Variants in TDRD9 observed in about 807,000 individuals in gnomAD.
The protein encoded by TDRD9 is ATP-dependent RNA helicase TDRD9.
In TDRD9, 124 loss-of-function variants were observed where a neutral mutation model predicts 172.6. That is an observed-to-expected ratio of 0.72 (90% confidence interval 0.62 to 0.83). TDRD9 has a LOEUF of 0.83. TDRD9 is among the 40% of genes least tolerant of loss of function. The pLI, the probability that TDRD9 is intolerant of heterozygous loss-of-function variation, is 0.00. For synonymous variants in TDRD9, 619 were observed against 617.1 expected (o/e 1.00, Z -0.05); for missense variants, 1,479 against 1,714.1 (o/e 0.86, Z 2.42).
chr14:104,001,438 C>T (rs1451891589), intron 13 of TDRD9, among the ~76,000 whole-genome samples: 2 of 152,170 alleles, frequency 1.3e-5, no homozygotes, highest in Non-Finnish European at 2.9e-5. Flanking sequence ...AGTAGTACTC[C>T]ACTGAACATT....
chr14:103,993,343 T>C (rs2033944265), intron 9 of TDRD9, among the ~76,000 whole-genome samples: 1 of 152,172 alleles, frequency 6.6e-6, no homozygotes, highest in Non-Finnish European at 1.5e-5. Flanking sequence ...TATTTATAAG[T>C]GATATTTTAC....
chr14:103,942,584 T>C (rs74383836), intron 1 of TDRD9, among the ~76,000 whole-genome samples: 119 of 152,350 alleles, frequency 7.8e-4, no homozygotes, highest in African/African-American at 2.6e-3. Flanking sequence ...TTTAGTGCTG[T>C]ATTTTTATGC....
chr14:103,932,991 A>G (rs2030503135), intron 1 of TDRD9, among the ~76,000 whole-genome samples: 1 of 152,186 alleles, frequency 6.6e-6, no homozygotes, highest in Non-Finnish European at 1.5e-5. Context: ...GGGTCCCAGC[A>G]TGAATCTTGC....
intron 32 of TDRD9, among the ~76,000 whole-genome samples, chr14:104,038,931 A>G (rs141680413): frequency 1.1e-4 from 17 of 152,210 alleles, no homozygotes; most frequent in African/African-American, 3.9e-4. Context: ...CAGCCTCCCA[A>G]AGTGCTGGGA....
chr14:104,052,152 C>A lies in TDRD9; in HGVS notation c.*70C>A. 1.8e-6 allele frequency: 2 copies of A among 1,083,342 alleles called. No individual in the cohort carries two copies. The highest frequency in any genetic ancestry group is 2.7e-6 in the Non-Finnish European group (2 of 730,914). 67.1% of individuals were successfully genotyped at this position (1,083,342 alleles called of 1,614,324 possible). A position where few individuals can be genotyped will look rare whatever the true frequency, so the allele number is the denominator to read the frequency against. The stretch of plus-strand genomic sequence containing the variant: ...GAGGCTGGATTCCAGGCTCCCTCCG[C>A]AGACTGACTTTCCTCTGTGTCTGGG... On this transcript the variant is annotated 3_prime_UTR_variant, in exon 36 of 36. Coordinates refer to ENST00000409874, the MANE Select transcript of TDRD9 (RefSeq NM_153046.3).
At chr14:103,940,933 C>T in intron 1 of TDRD9, 1 of 1,535,464 alleles carries the variant, frequency 6.5e-7, no homozygotes, top group Non-Finnish European at 8.7e-7. Context: ...CCTCTTGGAG[C>T]TGTCACCTTG....
At chr14:103,939,744 T>TTTTTTTTTTTG (rs2031084338) in intron 1 of TDRD9, 1 of 10,582 alleles carries the variant, frequency 9.5e-5, no homozygotes, top group Non-Finnish European at 2.7e-4. Flanking sequence ...AAAAAAAGTG[T>TTTTTTTTTTTG]TTTTTTTTTT....
intron 20 of TDRD9, 27 bp from the exon 21 acceptor site, chr14:104,014,698 C>T: frequency 6.2e-6 from 8 of 1,298,328 alleles, no homozygotes; most frequent in Non-Finnish European, 7.8e-6. Context: ...ACCTTTGAGA[C>T]ATCAGATTTC....
Position 103,938,436 on chromosome 14 carries a change from A to ATTTTTTTTT in TDRD9, c.215+9713_215+9714insTTTTTTTTT, listed in dbSNP as rs1483928412. On this transcript the variant is annotated intron_variant, in intron 1 of 35. Coordinates refer to ENST00000409874, the MANE Select transcript of TDRD9 (RefSeq NM_153046.3). Reference sequence around the variant, plus strand: ...TGTGTATATATATATATATATATATATATATTTTTTTTTTTTTTTTGAGAT... The same window carrying ATTTTTTTTT: ...TGTGTATATATATATATATATATATATTTTTTTTTTATATTTTTTTTTTTTTTTTGAGAT... 5.7e-3 allele frequency among the ~76,000 whole-genome samples: 230 copies of ATTTTTTTTT among 40,508 alleles called. 5 individuals carry two copies. The highest frequency in any genetic ancestry group is 8.5e-3 in the South Asian group (7 of 820). The allele number at this position is 40,508 out of a possible 152,430, so 26.6% of individuals were successfully genotyped here. A position where few individuals can be genotyped will look rare whatever the true frequency, so the allele number is the denominator to read the frequency against.
intron 32 of TDRD9, 65 bp from the exon 33 acceptor site, chr14:104,040,131 A>G: frequency 2.3e-6 from 3 of 1,286,148 alleles, no homozygotes; most frequent in Non-Finnish European, 2.0e-6. Context: ...GTCAATTTTT[A>G]CATGCTAAAA....
chr14:104,009,088 T>G (rs1237693730), intron 20 of TDRD9, among the ~76,000 whole-genome samples: 1 of 152,208 alleles, frequency 6.6e-6, no homozygotes, highest in Non-Finnish European at 1.5e-5. Context: ...ACTACACGCC[T>G]AGGCTGTATA....
intron 23 of TDRD9, among the ~76,000 whole-genome samples, chr14:104,020,850 G>A (rs1025940892): frequency 1.3e-5 from 2 of 152,124 alleles, no homozygotes; most frequent in African/African-American, 4.8e-5. Context: ...TAAACTTGAT[G>A]CTGTCTTCCT....
rs1444990988 is a variant in TDRD9 at position 104,006,551 on chromosome 14, A to G, written c.1876A>G (p.Ile626Val). ...VFGCLDECLIIAAALSLKNFF... is the reference protein window; with the variant it reads ...VFGCLDECLIVAAALSLKNFF... ...TGGATGTCTAGATGAATGTCTTATTATAGGTAAGTGTGAGAACAAATAAAT... is the reference window on the plus strand; with the variant it reads ...TGGATGTCTAGATGAATGTCTTATTGTAGGTAAGTGTGAGAACAAATAAAT... Residue 626 changes from isoleucine (I) to valine (V), a missense_variant, in exon 16 of 36, where the codon ATA becomes GTA. Ile to Val is a conservative substitution (Grantham distance 29). Coordinates refer to ENST00000409874, the MANE Select transcript of TDRD9 (RefSeq NM_153046.3). The G allele has an allele frequency of 4.3e-6, 7 of 1,613,570 alleles. No homozygotes were observed. The highest frequency in any genetic ancestry group is 4.5e-5 in the East Asian group (2 of 44,864).
intron 8 of TDRD9, among the ~76,000 whole-genome samples, chr14:103,986,590 A>T (rs925028148): frequency 6.6e-6 from 1 of 152,238 alleles, no homozygotes; most frequent in Non-Finnish European, 1.5e-5. Context: ...TTTTCCAGAC[A>T]TATAGGGGTC....
rs1435211332 is a variant in TDRD9 at position 103,997,623 on chromosome 14, T to G, written c.1379-1001T>G. On this transcript the variant is annotated intron_variant, in intron 12 of 35. Coordinates refer to ENST00000409874, the MANE Select transcript of TDRD9 (RefSeq NM_153046.3). The surrounding 1 kb of genome is among the most constrained non-coding windows in gnomAD (Gnocchi z 5.1). ...TGACTGGCGTTGGAAGGCAGGAACC[T>G]GGCCAAGCTCTTCTGGGAGTGCACA... 6.6e-6 allele frequency among the ~76,000 whole-genome samples: 1 copy of G among 152,244 alleles called. No individual in the cohort carries two copies. The highest frequency in any genetic ancestry group is 1.5e-5 in the Non-Finnish European group (1 of 68,040).
intron 34 of TDRD9, among the ~76,000 whole-genome samples, chr14:104,044,503 C>T (rs1340584960): frequency 1.3e-5 from 2 of 152,198 alleles, no homozygotes; most frequent in East Asian, 1.9e-4. Context: ...TACCACTGAT[C>T]TGCTTTCTGT....
intron 23 of TDRD9, among the ~76,000 whole-genome samples, chr14:104,021,171 G>A (rs1335189548): frequency 2.6e-5 from 4 of 152,130 alleles, no homozygotes; most frequent in African/African-American, 7.2e-5. Flanking sequence ...TGGCTGGAGC[G>A]AAAGGAAGAG....
At chr14:104,010,953 A>G (rs1350950678) in intron 20 of TDRD9, among the ~76,000 whole-genome samples, 2 of 152,178 alleles carry the variant, frequency 1.3e-5, no homozygotes, top group Non-Finnish European at 2.9e-5. Flanking sequence ...AATGTACTGT[A>G]TGTGTTGTAT....
intron 13 of TDRD9, among the ~76,000 whole-genome samples, chr14:104,002,244 T>C (rs1054311550): frequency 2.1e-5 from 3 of 145,340 alleles, no homozygotes; most frequent in African/African-American, 7.6e-5. Flanking sequence ...AGATTGAGCC[T>C]GGGAGGTCAA....
Sources: allele counts gnomAD v4.1 joint callset (sites outside exome capture counted in the v4.1 genomes callset), GRCh38; gene constraint gnomAD v4.1.1; non-coding constraint Gnocchi (gnomAD v3.1); transcripts MANE v1.5; gene names NCBI Gene and HGNC (gene_info 2026-07-23, HGNC 2026-07-21).